Variants in NFIA observed in about 807,000 individuals in gnomAD.
NFIA encodes the protein nuclear factor I A, also known as nuclear factor 1 A-type.
Under a neutral mutation model 62.8 loss-of-function variants are expected in NFIA, and 8 were observed. The observed-to-expected ratio is 0.13, with a 90% CI of 0.07 to 0.23. The LOEUF (loss-of-function observed/expected upper bound fraction) is 0.23. Among genes scored for constraint, NFIA ranks in the 10% least tolerant of loss-of-function variants. The probability of loss-of-function intolerance (pLI) is 1.00; values close to 1 mark genes in which losing one functional copy is unlikely to be tolerated. For missense variants in NFIA, 410 were observed against 642.1 expected (o/e 0.64, Z 3.91); for synonymous variants, 235 against 238.1 (o/e 0.99, Z 0.12).
At position 61,426,540 on chromosome 1, in the gene NFIA, T is replaced by A. The variant is rs1666879699; in HGVS notation, c.1496T>A (p.Ile499Asn). The A allele has an allele frequency of 6.4e-7, 1 of 1,551,534 alleles. No homozygotes were observed. Among genetic ancestry groups the A allele is most frequent in the Admixed American group, 2.0e-5 (1 of 50,956 alleles). The part of the protein sequence containing the change: ...VGPRDPSFVN[I>N]PQQTQSWYLG ...CCACGGGATCCAAGCTTTGTAAATATCCCTCAACAGACACAGGTGGGCCGC... is the reference window on the plus strand; with the variant it reads ...CCACGGGATCCAAGCTTTGTAAATAACCCTCAACAGACACAGGTGGGCCGC... Residue 499 changes from isoleucine to asparagine, a missense_variant, in exon 10 of 11, where the codon ATC becomes AAC. Ile to Asn is a moderately radical substitution (Grantham distance 149, BLOSUM62 -3). This residue lies in a region of NFIA where 298 missense variants were observed against 438.1 expected (regional missense o/e 0.68). Transcript: ENST00000403491.
intron 3 of NFIA, among the ~76,000 whole-genome samples, chr1:61,284,826 C>T (rs563796208): frequency 6.6e-6 from 1 of 152,120 alleles, no homozygotes; most frequent in South Asian, 2.1e-4. Context: ...CAAAGAGTTA[C>T]ACAGGAAAGA....
intron 2 of NFIA, among the ~76,000 whole-genome samples, chr1:61,208,749 A>G (rs1262074041): frequency 2.0e-5 from 3 of 152,128 alleles, no homozygotes; most frequent in East Asian, 1.9e-4. Flanking sequence ...ATTTCTTCCT[A>G]CTGTTAATTT....
chr1:61,127,181 G>A (rs1646990616), intron 2 of NFIA, among the ~76,000 whole-genome samples: 2 of 146,110 alleles, frequency 1.4e-5, no homozygotes, highest in South Asian at 2.2e-4. Context: ...AAAAATGCCA[G>A]GTAGAGCAGC....
intron 2 of NFIA, among the ~76,000 whole-genome samples, chr1:61,134,933 A>G (rs1191569457): frequency 6.6e-6 from 1 of 152,258 alleles, no homozygotes; most frequent in Non-Finnish European, 1.5e-5. Context: ...AGAAGAAGAT[A>G]GCAACTGAAA....
chr1:61,198,244 A>G (rs1004522749), intron 2 of NFIA, among the ~76,000 whole-genome samples: 2 of 152,246 alleles, frequency 1.3e-5, no homozygotes, highest in South Asian at 2.1e-4. Flanking sequence ...TTCACGGTTT[A>G]ACAAGTTTTC....
chr1:61,117,050 G>A (rs1646804319), intron 2 of NFIA, among the ~76,000 whole-genome samples: 1 of 152,072 alleles, frequency 6.6e-6, no homozygotes, highest in Admixed American at 6.5e-5. Context: ...TTGAGAGGAA[G>A]GTATTAGAAG....
chr1:61,276,648 C>T (rs536776054), intron 2 of NFIA, among the ~76,000 whole-genome samples: 5 of 152,054 alleles, frequency 3.3e-5, no homozygotes, highest in Admixed American at 3.3e-4. Flanking sequence ...CTCTCCTCTC[C>T]CCAAAAACTG....
At chr1:61,197,489 T>G (rs549661285) in intron 2 of NFIA, among the ~76,000 whole-genome samples, 172 of 151,504 alleles carry the variant, frequency 1.1e-3, no homozygotes, top group African/African-American at 4.1e-3. Context: ...CACTTACCTC[T>G]GCCTCCCAAA....
Position 61,277,554 on chromosome 1 carries a change from T to G in NFIA, c.594T>G (p.Ser198Arg). The change falls in exon 3 of 11, where the codon AGT (serine) becomes AGG (arginine). Residue 198 changes from serine (S) to arginine (R), a missense_variant. By Grantham distance (110) the Ser-to-Arg change is moderately radical (BLOSUM62 -1). This residue lies in a region of NFIA where 298 missense variants were observed against 438.1 expected (regional missense o/e 0.68). Coordinates refer to ENST00000403491, the MANE Select transcript of NFIA (RefSeq NM_001134673.4). ...AATCTGAAAGTCCCAGCCAGCCAAG[T>G]GACGCTGACATTAAGGACCAGCCAG... ...SSQSESPSQP[S>R]DADIKDQPEN... The G allele has an allele frequency of 1.2e-6, 2 of 1,613,914 alleles. No individual in the cohort carries two copies. The highest frequency in any genetic ancestry group is 4.5e-5 in the East Asian group (2 of 44,878).
chr1:61,240,970 GT>G lies in NFIA; in HGVS notation c.560-36537del, dbSNP rs561327612. Among the ~76,000 whole-genome samples the G allele has an allele frequency of 5.0e-3, 687 of 138,250 alleles. 3 individuals carry two copies. The highest frequency in any genetic ancestry group is 0.016 in the Middle Eastern group (4 of 248). The allele number at this position is 138,250 out of a possible 152,430, so 90.7% of individuals were successfully genotyped here. On this transcript the variant is annotated intron_variant, in intron 2 of 10. Transcript: ENST00000403491. ...CTGCAAATTTTGTCTTTTGGGGTTT[GT>G]TTTTTTTTTTTTAGTCCAGTTCATA...
chr1:61,169,493 AC>A (rs1649803862), intron 2 of NFIA, among the ~76,000 whole-genome samples: 1 of 152,078 alleles, frequency 6.6e-6, no homozygotes. Flanking sequence ...CTTTATGGAC[AC>A]CCCCAACCAA....
chr1:61,249,520 G>A (rs1384124367), intron 2 of NFIA, among the ~76,000 whole-genome samples: 2 of 152,186 alleles, frequency 1.3e-5, no homozygotes, highest in Non-Finnish European at 2.9e-5. Flanking sequence ...TATAATCCAA[G>A]CACTTTCAGA....
intron 10 of NFIA, among the ~76,000 whole-genome samples, chr1:61,435,290 A>C (rs544533491): frequency 1.1e-4 from 16 of 152,300 alleles, no homozygotes; most frequent in African/African-American, 3.8e-4. Context: ...CATCTGTGAA[A>C]TGAAGGCAAT....
At chr1:61,446,600 A>C (rs1260199144) in intron 10 of NFIA, among the ~76,000 whole-genome samples, 1 of 152,188 alleles carries the variant, frequency 6.6e-6, no homozygotes, top group Non-Finnish European at 1.5e-5. Flanking sequence ...GAGAAGTCCA[A>C]AGGTGGCAGA....
chr1:61,256,308 T>C lies in NFIA; in HGVS notation c.560-21212T>C, dbSNP rs188332338. On this transcript the variant is annotated intron_variant, in intron 2 of 10. Coordinates refer to ENST00000403491, the MANE Select transcript of NFIA (RefSeq NM_001134673.4). ...AAAATTATCTGGGTGTGGTGGTGCG[T>C]GCCTGTAATCCCAGCTACTCAGGAG... is the stretch of plus-strand genomic sequence containing the variant. 7.6e-3 allele frequency among the ~76,000 whole-genome samples: 1,156 copies of C among 151,818 alleles called. 4 individuals carry two copies. The highest frequency in any genetic ancestry group is 0.013 in the Non-Finnish European group (882 of 67,904).
chr1:61,105,584 A>T (rs1646582045), intron 2 of NFIA, among the ~76,000 whole-genome samples: 2 of 151,938 alleles, frequency 1.3e-5, no homozygotes, highest in African/African-American at 4.8e-5. Context: ...GGTTGTGAGA[A>T]GTGCATATTT....
chr1:61,205,187 A>G (rs1652814586), intron 2 of NFIA, among the ~76,000 whole-genome samples: 1 of 152,220 alleles, frequency 6.6e-6, no homozygotes, highest in Non-Finnish European at 1.5e-5. Flanking sequence ...TACTGCTAGG[A>G]TATTTTATAG....
Position 61,312,860 on chromosome 1 carries a change from A to T in NFIA, c.626-19652A>T, listed in dbSNP as rs200847022. Among the ~76,000 whole-genome samples the T allele has an allele frequency of 6.2e-4, 94 of 152,228 alleles. 2 individuals carry two copies. The East Asian group carries it at 0.013, about 22-fold the overall frequency. ...TAAGGGTTATTCTATTCAGAATCTC[A>T]TTAGATGTTAAAAAAAAATCAAACC... is the stretch of plus-strand genomic sequence containing the variant. On this transcript the variant is annotated intron_variant, in intron 3 of 10. Coordinates refer to ENST00000403491, the MANE Select transcript of NFIA (RefSeq NM_001134673.4).
chr1:61,417,535 G>A (rs1666408344), intron 9 of NFIA, among the ~76,000 whole-genome samples: 2 of 151,418 alleles, frequency 1.3e-5, no homozygotes, highest in Admixed American at 1.3e-4. Context: ...TCTAGAATTG[G>A]AATTGCTAAT....
Sources: allele counts gnomAD v4.1 joint callset (sites outside exome capture counted in the v4.1 genomes callset), GRCh38; gene constraint gnomAD v4.1.1; regional missense constraint gnomAD v4.1.1; transcripts MANE v1.5; gene names NCBI Gene and HGNC (gene_info 2026-07-23, HGNC 2026-07-21).